NUP35: variants seen among roughly 807,000 people sequenced by gnomAD.
NUP35 encodes nucleoporin 35, also known as nucleoporin NUP35.
Under a neutral mutation model 41.5 loss-of-function variants are expected in NUP35, and 25 were observed. The observed-to-expected ratio is 0.60, with a 90% confidence interval of 0.44 to 0.84. The LOEUF is 0.84. NUP35 is among the 40% of genes least tolerant of loss of function. The pLI, the probability that NUP35 is intolerant of heterozygous loss-of-function variation, is 0.00. For missense variants in NUP35, 396 were observed against 396.6 expected (o/e 1.00, Z 0.01); for synonymous variants, 149 against 130.7 (o/e 1.14, Z -0.96).
intron 7 of NUP35, 104 bp from the exon 8 acceptor site, chr2:183,159,384 A>G (rs1685785251): frequency 2.2e-6 from 2 of 902,946 alleles, no homozygotes. Flanking sequence ...GAGCAAATAA[A>G]GTATTTCATC....
At chr2:183,143,707 A>G (rs1359562390) in intron 4 of NUP35, among the ~76,000 whole-genome samples, 1 of 152,118 alleles carries the variant, frequency 6.6e-6, no homozygotes, top group Non-Finnish European at 1.5e-5. Context: ...GTAAGCCCTT[A>G]TTATATACTT....
intron 4 of NUP35, among the ~76,000 whole-genome samples, chr2:183,148,183 C>T (rs1685345135): frequency 6.6e-6 from 1 of 152,034 alleles, no homozygotes; most frequent in African/African-American, 2.4e-5. Flanking sequence ...ATATATACAC[C>T]ACATTTTCTT....
chr2:183,137,987 AAACTAT>A (rs1204322752), intron 4 of NUP35, among the ~76,000 whole-genome samples: 2 of 151,868 alleles, frequency 1.3e-5, no homozygotes, highest in East Asian at 1.9e-4. Context: ...GTAATTGTAG[AAACTAT>A]ATATGAAAAT....
intron 4 of NUP35, among the ~76,000 whole-genome samples, chr2:183,146,240 A>G (rs942489973): frequency 2.0e-5 from 3 of 152,168 alleles, no homozygotes; most frequent in African/African-American, 7.2e-5. Context: ...TGTCTCAAAA[A>G]AAAAAGTATT....
At chr2:183,136,531 C>T (rs1198754581) in intron 4 of NUP35, among the ~76,000 whole-genome samples, 1 of 152,228 alleles carries the variant, frequency 6.6e-6, no homozygotes, top group Non-Finnish European at 1.5e-5. Flanking sequence ...TGGCTCATGG[C>T]TCTCCATCTT....
At chr2:183,124,621 T>C in intron 1 of NUP35, 124 bp downstream of exon 1, 2 of 1,273,644 alleles carry the variant, frequency 1.6e-6, no homozygotes, top group Non-Finnish European at 2.3e-6. Flanking sequence ...GAGGGAATCC[T>C]TGGGTGCCCC....
At chr2:183,137,730 C>T (rs1292518184) in intron 4 of NUP35, among the ~76,000 whole-genome samples, 3 of 151,558 alleles carry the variant, frequency 2.0e-5, no homozygotes, top group South Asian at 2.1e-4. Context: ...GAGTTTAAGG[C>T]TGTAGGCAGC....
chr2:183,142,454 C>CTT (rs200327315), intron 4 of NUP35, among the ~76,000 whole-genome samples: 2 of 141,922 alleles, frequency 1.4e-5, no homozygotes, highest in Admixed American at 7.0e-5. Context: ...TGTGTGTTTT[C>CTT]TTTTTTTTTT....
upstream of NUP35, chr2:183,124,435 T>C (rs1204186154): frequency 6.2e-7 from 1 of 1,614,066 alleles, no homozygotes; most frequent in Non-Finnish European, 8.5e-7. Context: ...AAGGTACTGG[T>C]TTTAAGTGTA....
chr2:183,143,593 C>T (rs939266618), intron 4 of NUP35, among the ~76,000 whole-genome samples: 1 of 152,164 alleles, frequency 6.6e-6, no homozygotes, highest in Non-Finnish European at 1.5e-5. Context: ...GAGTTTTGAG[C>T]TGTTTAGGTT....
At chr2:183,153,505 G>A (rs1296231303) in intron 5 of NUP35, among the ~76,000 whole-genome samples, 4 of 152,126 alleles carry the variant, frequency 2.6e-5, no homozygotes, top group Admixed American at 2.6e-4. Flanking sequence ...AAACAGAGGG[G>A]TTATAGGCCC....
At chr2:183,141,283 C>T (rs1201018056) in intron 4 of NUP35, among the ~76,000 whole-genome samples, 1 of 152,170 alleles carries the variant, frequency 6.6e-6, no homozygotes, top group Non-Finnish European at 1.5e-5. Context: ...ACATATAGGG[C>T]CCACCTGGAT....
intron 7 of NUP35, 94 bp from the exon 8 acceptor site, chr2:183,159,394 C>A (rs1685785566): frequency 2.0e-6 from 2 of 983,074 alleles, no homozygotes; most frequent in Admixed American, 5.7e-5. Flanking sequence ...AGTATTTCAT[C>A]TTTATCTTTT....
chr2:183,146,494 A>G (rs185760618), intron 4 of NUP35, among the ~76,000 whole-genome samples: 245 of 152,300 alleles, frequency 1.6e-3, no homozygotes, highest in African/African-American at 5.6e-3. Context: ...TGAGTTCTAC[A>G]AATCTCCAAA....
At chr2:183,141,554 C>T (rs1464593225) in intron 4 of NUP35, among the ~76,000 whole-genome samples, 1 of 152,126 alleles carries the variant, frequency 6.6e-6, no homozygotes, top group Admixed American at 6.5e-5. Context: ...AGTGTTTGTA[C>T]TGTGACTATG....
intron 5 of NUP35, 71 bp from the exon 6 acceptor site, chr2:183,157,373 T>C: frequency 9.1e-7 from 1 of 1,096,664 alleles, no homozygotes; most frequent in Middle Eastern, 2.0e-4. Context: ...CTTGAAACAT[T>C]ATCTTGTAGT....
At chr2:183,119,096 G>T (rs1297796789) in intron 1 of NUP35, among the ~76,000 whole-genome samples, 1 of 152,088 alleles carries the variant, frequency 6.6e-6, no homozygotes, top group East Asian at 1.9e-4. Flanking sequence ...CAACTCCTTG[G>T]ATCTTATCGG....
intron 4 of NUP35, among the ~76,000 whole-genome samples, chr2:183,145,271 T>C (rs948264521): frequency 2.0e-5 from 3 of 152,240 alleles, no homozygotes; most frequent in Admixed American, 6.5e-5. Flanking sequence ...AGAAATGTAT[T>C]GAACAGGTTG....
chr2:183,136,556 A>G (rs893795355), intron 4 of NUP35, among the ~76,000 whole-genome samples: 8 of 152,230 alleles, frequency 5.3e-5, no homozygotes, highest in African/African-American at 1.9e-4. Flanking sequence ...CTTCAGATAT[A>G]GCAATGGCAG....
Sources: gnomAD v4.1 joint callset for allele counts (sites outside exome capture counted in the v4.1 genomes callset) on GRCh38, gnomAD v4.1.1 for gene constraint, MANE v1.5 for transcripts, NCBI Gene and HGNC (gene_info 2026-07-23, HGNC 2026-07-21) for gene names.